PRKN: variants seen among roughly 807,000 people sequenced by gnomAD.
The protein encoded by PRKN is E3 ubiquitin-protein ligase parkin.
PRKN carries 56 observed loss-of-function variants against 59.5 expected under a neutral mutation model. The observed-to-expected ratio is 0.94, with a 90% confidence interval of 0.76 to 1.18. PRKN has a LOEUF of 1.18. PRKN is among the 50% of genes most tolerant of loss of function. The pLI, the probability that PRKN is intolerant of heterozygous loss-of-function variation, is 0.00. For missense variants in PRKN, 657 were observed against 596.4 expected (o/e 1.10, Z -1.06); for synonymous variants, 250 against 222.1 (o/e 1.13, Z -1.12).
intron 6 of PRKN, among the ~76,000 whole-genome samples, chr6:161,947,896 T>C (rs1305609232): frequency 2.0e-5 from 3 of 152,214 alleles, no homozygotes; most frequent in East Asian, 3.8e-4. Flanking sequence ...CCTTCTGTTA[T>C]GCCATCCTCT....
At chr6:162,232,931 TA>T (rs5881463) in intron 3 of PRKN, among the ~76,000 whole-genome samples, 25,048 of 148,626 alleles carry the variant, frequency 0.17, 2,871 homozygotes, top group East Asian at 0.59. Context: ...TATGTTTGGG[TA>T]AAAAAAAAAG....
intron 7 of PRKN, among the ~76,000 whole-genome samples, chr6:161,733,193 A>T (rs1271874624): frequency 6.6e-6 from 1 of 152,196 alleles, no homozygotes; most frequent in African/African-American, 2.4e-5. Context: ...ATTTTATCTA[A>T]TTTAGGACAA....
chr6:161,757,359 A>T (rs1788970842), intron 7 of PRKN, among the ~76,000 whole-genome samples: 1 of 152,234 alleles, frequency 6.6e-6, no homozygotes, highest in Admixed American at 6.5e-5. Context: ...CATGTAGAAT[A>T]TATAAAGAAT....
At chr6:161,614,453 C>A (rs1358893383) in intron 7 of PRKN, among the ~76,000 whole-genome samples, 1 of 152,184 alleles carries the variant, frequency 6.6e-6, no homozygotes, top group Admixed American at 6.5e-5. Context: ...TTTAAAACAT[C>A]TTTTAGCATG....
intron 1 of PRKN, among the ~76,000 whole-genome samples, chr6:162,644,991 AGCAATT>A (rs1201837824): frequency 3.3e-5 from 5 of 152,186 alleles, no homozygotes; most frequent in African/African-American, 1.2e-4. Context: ...TAGTTTATTG[AGCAATT>A]GCTATTAATA....
intron 1 of PRKN, among the ~76,000 whole-genome samples, chr6:162,724,368 G>A (rs80112263): frequency 0.02 from 3,098 of 152,274 alleles, 118 homozygotes; most frequent in African/African-American, 0.069. Flanking sequence ...GGTGGGAAAT[G>A]TAAGTACTTT....
intron 2 of PRKN, among the ~76,000 whole-genome samples, chr6:162,286,837 AC>A (rs1781213487): frequency 6.6e-6 from 1 of 152,224 alleles, no homozygotes; most frequent in African/African-American, 2.4e-5. Flanking sequence ...AAGATGATGG[AC>A]AACAAAACTG....
intron 7 of PRKN, among the ~76,000 whole-genome samples, chr6:161,699,122 T>A (rs1786142892): frequency 6.6e-6 from 1 of 152,110 alleles, no homozygotes; most frequent in South Asian, 2.1e-4. Flanking sequence ...AATGAGCACA[T>A]GAAAAGAGGC....
rs548478414 is a variant in PRKN, at chr6:162,423,046, C to T, written c.171+20264G>A. 3.3e-5 allele frequency among the ~76,000 whole-genome samples: 5 copies of T among 150,044 alleles called. No individual in the cohort carries two copies. The South Asian group carries it at 8.5e-4, about 25-fold the overall frequency. On this transcript the variant is annotated intron_variant, in intron 2 of 11. Transcript: ENST00000366898. Reference sequence around the variant, plus strand: ...TTTCTGGATTCTTTGCCTTTCATTGCTTCTATAGTACATATTAATATTACA... The same window carrying T: ...TTTCTGGATTCTTTGCCTTTCATTGTTTCTATAGTACATATTAATATTACA...
At position 161,853,577 on chromosome 6, in the gene PRKN, A is replaced by G. The variant is rs193034488; in HGVS notation, c.735-67669T>C. 5.3e-5 allele frequency among the ~76,000 whole-genome samples: 8 copies of G among 152,348 alleles called. No homozygotes were observed. The East Asian group carries it at 1.2e-3, about 22-fold the overall frequency. On this transcript the variant is annotated intron_variant, in intron 6 of 11. Transcript: ENST00000366898. ...CTAAACTGAAATTGTGGTATGCAAC[A>G]TGACTCTACTTAACAGAGCTAGGAA... is the stretch of plus-strand genomic sequence containing the variant.
At chr6:161,647,374 C>T (rs1016066029) in intron 7 of PRKN, among the ~76,000 whole-genome samples, 13 of 152,224 alleles carry the variant, frequency 8.5e-5, no homozygotes, top group Non-Finnish European at 7.3e-5. Flanking sequence ...CCTGCTCACC[C>T]TGCAGTGGCT....
At chr6:162,379,870 G>C (rs1256020356) in intron 2 of PRKN, among the ~76,000 whole-genome samples, 1 of 152,174 alleles carries the variant, frequency 6.6e-6, no homozygotes, top group Non-Finnish European at 1.5e-5. Context: ...TTTCAGAGAA[G>C]ACTTCTGAGG....
intron 1 of PRKN, among the ~76,000 whole-genome samples, chr6:162,558,573 C>T (rs1225806895): frequency 6.6e-6 from 1 of 152,104 alleles, no homozygotes; most frequent in African/African-American, 2.4e-5. Flanking sequence ...AGGTGATCTG[C>T]CTGCCTCAGC....
chr6:161,746,844 A>ATATG (rs767633940), intron 7 of PRKN, among the ~76,000 whole-genome samples: 8 of 149,192 alleles, frequency 5.4e-5, no homozygotes, highest in Non-Finnish European at 7.4e-5. Flanking sequence ...GTATATATCT[A>ATATG]TATGTATGTA....
chr6:161,490,192 G>C (rs1200599036), intron 9 of PRKN, among the ~76,000 whole-genome samples: 1 of 152,162 alleles, frequency 6.6e-6, no homozygotes, highest in Non-Finnish European at 1.5e-5. Flanking sequence ...TGGTCACAAA[G>C]GCTTTGAACT....
Position 161,413,522 on chromosome 6 carries a change from C to A in PRKN, c.1084-26645G>T, listed in dbSNP as rs1465630425. 1.3e-5 allele frequency among the ~76,000 whole-genome samples: 2 copies of A among 152,132 alleles called. No homozygotes were observed. The highest frequency in any genetic ancestry group is 2.9e-5 in the Non-Finnish European group (2 of 68,040). On this transcript the variant is annotated intron_variant, in intron 9 of 11. Coordinates refer to ENST00000366898, the MANE Select transcript of PRKN (RefSeq NM_004562.3). The surrounding 1 kb of genome is among the most constrained non-coding windows in gnomAD (Gnocchi z 4.4). ...TGCAGTGAGAACTGGGGGAGAAGGC[C>A]GGAACCTGGCGGGCTCATGTGGGCA... is the stretch of plus-strand genomic sequence containing the variant.
chr6:162,306,339 G>A (rs950090382), intron 2 of PRKN, among the ~76,000 whole-genome samples: 1 of 152,178 alleles, frequency 6.6e-6, no homozygotes, highest in African/African-American at 2.4e-5. Context: ...TCTCTGTGGA[G>A]GCCACTTTCT....
At chr6:161,531,855 T>G (rs480557) in intron 9 of PRKN, among the ~76,000 whole-genome samples, 74,026 of 151,848 alleles carry the variant, frequency 0.49, 18,497 homozygotes, top group South Asian at 0.65. Flanking sequence ...TGAGAAGGAT[T>G]AGATTATAAA....
chr6:162,628,824 T>C (rs958444155), intron 1 of PRKN, among the ~76,000 whole-genome samples: 4 of 152,136 alleles, frequency 2.6e-5, no homozygotes, highest in African/African-American at 4.8e-5. Flanking sequence ...TTGCCAAAGA[T>C]ACAGGAATAT....
Sources: allele counts gnomAD v4.1 joint callset (sites outside exome capture counted in the v4.1 genomes callset), GRCh38; gene constraint gnomAD v4.1.1; non-coding constraint Gnocchi (gnomAD v3.1); transcripts MANE v1.5; gene names NCBI Gene and HGNC (gene_info 2026-07-23, HGNC 2026-07-21).